MAGI3: variants seen among roughly 807,000 people sequenced by gnomAD.
MAGI3 encodes the protein membrane-associated guanylate kinase, WW and PDZ domain-containing protein 3.
A neutral mutation model predicts 121.8 loss-of-function variants in MAGI3; 43 were observed. The observed-to-expected ratio is 0.35, with a 90% CI of 0.28 to 0.46. MAGI3 has a LOEUF of 0.46. MAGI3 is among the 20% of genes least tolerant of loss of function. The pLI, the probability that MAGI3 is intolerant of heterozygous loss-of-function variation, is 1.00. For synonymous variants in MAGI3, 553 were observed against 639.3 expected (o/e 0.86, Z 2.04); for missense variants, 1,547 against 1,797.3 (o/e 0.86, Z 2.52).
chr1:113,511,498 G>C (rs757627814), intron 1 of MAGI3, among the ~76,000 whole-genome samples: 42 of 152,184 alleles, frequency 2.8e-4, no homozygotes, highest in Non-Finnish European at 5.1e-4. Context: ...CTCATACCTG[G>C]TGTGGTCACA....
At chr1:113,419,970 C>T (rs1652651169) in intron 1 of MAGI3, among the ~76,000 whole-genome samples, 1 of 152,146 alleles carries the variant, frequency 6.6e-6, no homozygotes, top group Non-Finnish European at 1.5e-5. Flanking sequence ...CTCACTTTGA[C>T]CCTCCTACTA....
intron 16 of MAGI3, among the ~76,000 whole-genome samples, chr1:113,662,572 C>CTT (rs1653839066): frequency 6.6e-6 from 1 of 152,138 alleles, no homozygotes; most frequent in Admixed American, 6.5e-5. Flanking sequence ...TGTTGCAATA[C>CTT]TTTTGTTTTG....
intron 1 of MAGI3, among the ~76,000 whole-genome samples, chr1:113,496,902 T>C (rs1656943409): frequency 6.6e-6 from 1 of 152,200 alleles, no homozygotes; most frequent in South Asian, 2.1e-4. Flanking sequence ...TTAGATCTCT[T>C]ATAAAATGCA....
intron 1 of MAGI3, among the ~76,000 whole-genome samples, chr1:113,437,271 G>T (rs1462454198): frequency 6.6e-6 from 1 of 151,838 alleles, no homozygotes; most frequent in Non-Finnish European, 1.5e-5. Flanking sequence ...AAACAGGCTT[G>T]GAACTAAACT....
intron 1 of MAGI3, among the ~76,000 whole-genome samples, chr1:113,424,197 G>A (rs1179085008): frequency 1.4e-4 from 14 of 99,640 alleles, no homozygotes; most frequent in East Asian, 2.8e-4. Context: ...AGCCACCCCC[G>A]CCGCCTGCCC....
chr1:113,604,376 G>A (rs1422955904), intron 6 of MAGI3, among the ~76,000 whole-genome samples: 1 of 151,798 alleles, frequency 6.6e-6, no homozygotes, highest in East Asian at 1.9e-4. Context: ...AGACCATCCT[G>A]GCCAATATGG....
intron 1 of MAGI3, among the ~76,000 whole-genome samples, chr1:113,541,313 G>A (rs1659279901): frequency 6.6e-6 from 1 of 152,206 alleles, no homozygotes; most frequent in Admixed American, 6.5e-5. Context: ...TAATATAGAC[G>A]AAGAATGTGA....
chr1:113,591,447 A>G (rs753622614), intron 5 of MAGI3, among the ~76,000 whole-genome samples: 13 of 152,278 alleles, frequency 8.5e-5, no homozygotes, highest in Admixed American at 3.3e-4. Context: ...CTCAAAGAAC[A>G]TATACTCAGA....
At chr1:113,521,128 C>T (rs1658155833) in intron 1 of MAGI3, among the ~76,000 whole-genome samples, 1 of 151,268 alleles carries the variant, frequency 6.6e-6, no homozygotes, top group African/African-American at 2.4e-5. Context: ...GCTCTATCAC[C>T]CAGGCTGGAG....
Position 113,673,379 on chromosome 1 carries a change from C to T in MAGI3, c.3103C>T (p.Leu1035Phe). 1 of 1,612,258 alleles carries T rather than the reference C, an allele frequency of 6.2e-7. No individual in the cohort carries two copies. Among genetic ancestry groups the T allele is most frequent in the Non-Finnish European group, 8.5e-7 (1 of 1,179,714 alleles). ...ERGPRGFGFS[L>F]RGGKEYNMGL... ...AGGCCCCCGGGGCTTTGGATTCAGC[C>T]TCCGAGGGGGGAAGGAGTACAACAT... The change falls in exon 19 of 21, where the codon CTC becomes TTC. Residue 1035 changes from leucine to phenylalanine, a missense_variant. Coordinates refer to ENST00000307546, the MANE Select transcript of MAGI3 (RefSeq NM_001142782.2).
rs775212920 is a variant in MAGI3 at position 113,619,692 on chromosome 1, T to C, written c.1077-44T>C. On this transcript the variant is annotated intron_variant, in intron 7 of 20. Transcript: ENST00000307546. ...GATAGACTATTTAAGAATATGTTAC[T>C]GTTTTATTTTAAACTGAAATGTATA... 91 of 1,262,934 alleles carry C rather than the reference T, an allele frequency of 7.2e-5. 1 individual carries two copies. The Admixed American group carries it at 1.6e-3, about 22-fold the overall frequency. 78.2% of individuals were successfully genotyped at this position (1,262,934 alleles called of 1,614,324 possible).
intron 9 of MAGI3, among the ~76,000 whole-genome samples, chr1:113,626,554 G>T (rs1225135769): frequency 6.6e-6 from 1 of 152,064 alleles, no homozygotes; most frequent in Admixed American, 6.6e-5. Flanking sequence ...TAAATGCTTG[G>T]TAGAATTCAG....
At chr1:113,507,871 A>G (rs1409518667) in intron 1 of MAGI3, among the ~76,000 whole-genome samples, 1 of 152,210 alleles carries the variant, frequency 6.6e-6, no homozygotes, top group Non-Finnish European at 1.5e-5. Flanking sequence ...TAGACACCCC[A>G]GTGGAAAGAG....
intron 1 of MAGI3, chr1:113,449,922 C>T (rs989082201): frequency 1.3e-6 from 2 of 1,512,126 alleles, no homozygotes; most frequent in African/African-American, 1.4e-5. Context: ...GTGTGCTTGA[C>T]CACACAAGGT....
intron 1 of MAGI3, among the ~76,000 whole-genome samples, chr1:113,419,440 A>G (rs1652623205): frequency 6.6e-6 from 1 of 152,140 alleles, no homozygotes; most frequent in South Asian, 2.1e-4. Context: ...TTTCATTTCA[A>G]CTTGATATTG....
In MAGI3 at chr1:113,642,520, A is replaced by G. The variant is rs1340616899; in HGVS notation, c.1966+4A>G. Reference sequence around the variant, plus strand: ...CCATTGCTTATCTTAAGAGGAGGTAAGTAAAAGCACAACATAGAAAAAGTT... The same window carrying G: ...CCATTGCTTATCTTAAGAGGAGGTAGGTAAAAGCACAACATAGAAAAAGTT... On this transcript the variant is annotated splice_donor_region_variant and intron_variant, in intron 10 of 20. Coordinates refer to ENST00000307546, the MANE Select transcript of MAGI3 (RefSeq NM_001142782.2). 6.2e-7 allele frequency: 1 copy of G among 1,603,820 alleles called. No homozygotes were observed. The highest frequency in any genetic ancestry group is 2.2e-5 in the East Asian group (1 of 44,742).
chr1:113,647,261 C>A (rs1341054842), intron 12 of MAGI3, among the ~76,000 whole-genome samples: 2 of 152,164 alleles, frequency 1.3e-5, no homozygotes, highest in African/African-American at 4.8e-5. Context: ...CAGAGGAGAG[C>A]AGGAACAGAT....
chr1:113,400,206 T>C (rs1651329625), intron 1 of MAGI3, among the ~76,000 whole-genome samples: 1 of 152,076 alleles, frequency 6.6e-6, no homozygotes, highest in African/African-American at 2.4e-5. Context: ...GGGTAGACAG[T>C]TGAAAGAGAG....
intron 6 of MAGI3, among the ~76,000 whole-genome samples, chr1:113,599,948 T>C (rs1649261599): frequency 3.3e-5 from 5 of 152,066 alleles, no homozygotes. Flanking sequence ...ATCCAGCATA[T>C]AAACAGAACC....
Sources: gnomAD v4.1 joint callset for allele counts (sites outside exome capture counted in the v4.1 genomes callset) on GRCh38, gnomAD v4.1.1 for gene constraint, MANE v1.5 for transcripts, NCBI Gene and HGNC (gene_info 2026-07-23, HGNC 2026-07-21) for gene names.